PRDM6: variants seen among roughly 807,000 people sequenced by gnomAD.
The protein encoded by PRDM6 is PR/SET domain 6.
In PRDM6, 25 loss-of-function variants were observed where a neutral mutation model predicts 60.8. The ratio of observed to expected loss-of-function variants is 0.41; its 90% CI spans 0.30 to 0.57. The LOEUF (loss-of-function observed/expected upper bound fraction) is 0.57. Among genes scored for constraint, PRDM6 ranks in the 20% least tolerant of loss-of-function variants. PRDM6 has a pLI of 0.27. For synonymous variants in PRDM6, 407 were observed against 357.4 expected, an observed-to-expected ratio of 1.14 and a Z score of -1.57; for missense variants, 839 against 821.3, an observed-to-expected ratio of 1.02 and a Z score of -0.26.
At chr5:123,096,353 A>G (rs1341333026) in intron 2 of PRDM6, among the ~76,000 whole-genome samples, 2 of 152,058 alleles carry the variant, frequency 1.3e-5, no homozygotes, top group African/African-American at 2.4e-5. Flanking sequence ...TTCTCTTTCA[A>G]ACCTTTTCAT....
At position 123,190,033 on chromosome 5, in the gene PRDM6, G is replaced by A; in HGVS notation, c.*2832G>A. ...TAAAATTTGCCAGTTTTTCTTATTA[G>A]TAACTTCCTAATTAGTAGTGCTATA... is the stretch of plus-strand genomic sequence containing the variant. On this transcript the variant is annotated 3_prime_UTR_variant, in exon 8 of 8. Transcript: ENST00000407847. 6.6e-6 allele frequency: 1 copy of A among 152,182 alleles called. No homozygotes were observed. Among genetic ancestry groups the A allele is most frequent in the Admixed American group, 6.5e-5 (1 of 15,276 alleles). The allele number at this position is 152,182 out of a possible 1,614,324, so 9.4% of individuals were successfully genotyped here. A position where few individuals can be genotyped will look rare whatever the true frequency, so the allele number is the denominator to read the frequency against.
In PRDM6 at chr5:123,191,727, A is replaced by G. The variant is rs185031365; in HGVS notation, c.*4526A>G. ...TAAAGTTCTCCCCTCACTAGCATTT[A>G]TCTGAACTACCACAAAACAACAACG... is the stretch of plus-strand genomic sequence containing the variant. On this transcript the variant is annotated 3_prime_UTR_variant, in exon 8 of 8. Coordinates refer to ENST00000407847, the MANE Select transcript of PRDM6 (RefSeq NM_001136239.4). 2.9e-4 allele frequency: 44 copies of G among 152,286 alleles called. No homozygotes were observed. The highest frequency in any genetic ancestry group is 9.9e-4 in the African/African-American group (41 of 41,554). 9.4% of individuals were successfully genotyped at this position (152,286 alleles called of 1,614,324 possible). A position where few individuals can be genotyped will look rare whatever the true frequency, so the allele number is the denominator to read the frequency against.
intron 2 of PRDM6, among the ~76,000 whole-genome samples, chr5:123,094,646 G>A (rs912195175): frequency 4.6e-5 from 7 of 152,158 alleles, no homozygotes; most frequent in African/African-American, 1.7e-4. Context: ...TGTGCCACCA[G>A]GAGATGAAGG....
intron 3 of PRDM6, among the ~76,000 whole-genome samples, chr5:123,117,909 A>G (rs549772420): frequency 1.3e-5 from 2 of 152,370 alleles, no homozygotes; most frequent in Admixed American, 6.5e-5. Flanking sequence ...CATTCATTCA[A>G]TTATTCAACA....
intron 3 of PRDM6, among the ~76,000 whole-genome samples, chr5:123,132,148 T>C (rs1764847116): frequency 6.6e-6 from 1 of 152,176 alleles, no homozygotes; most frequent in Admixed American, 6.5e-5. Flanking sequence ...TCCTACTTTA[T>C]GTCATACTTA....
At chr5:123,183,566 C>T (rs777668559) in intron 7 of PRDM6, among the ~76,000 whole-genome samples, 30 of 151,970 alleles carry the variant, frequency 2.0e-4, no homozygotes, top group Non-Finnish European at 4.0e-4. Flanking sequence ...TACCCTAGGC[C>T]GTAGACTTAG....
intron 6 of PRDM6, 145 bp downstream of exon 6, chr5:123,171,253 C>T: frequency 1.5e-6 from 1 of 687,504 alleles, no homozygotes; most frequent in Non-Finnish European, 2.4e-6. Context: ...AATGCAAGAC[C>T]ACTGCTTGAC....
At chr5:123,122,183 A>T (rs997454459) in intron 3 of PRDM6, among the ~76,000 whole-genome samples, 1 of 151,290 alleles carries the variant, frequency 6.6e-6, no homozygotes, top group African/African-American at 2.4e-5. Flanking sequence ...AAAAAAAAAA[A>T]AAAGAATTCC....
At chr5:123,105,926 T>C (rs949857967) in intron 3 of PRDM6, among the ~76,000 whole-genome samples, 3 of 152,256 alleles carry the variant, frequency 2.0e-5, no homozygotes, top group Admixed American at 2.0e-4. Context: ...CCTTTCGTCA[T>C]GTCAATCCTT....
chr5:123,120,554 G>A (rs1216452856), intron 3 of PRDM6, among the ~76,000 whole-genome samples: 1 of 152,040 alleles, frequency 6.6e-6, no homozygotes, highest in Admixed American at 6.5e-5. Flanking sequence ...AAAAATTACA[G>A]GAAAAAATTT....
chr5:123,123,376 C>A (rs2150219087), intron 3 of PRDM6, among the ~76,000 whole-genome samples: 1 of 152,236 alleles, frequency 6.6e-6, no homozygotes, highest in East Asian at 1.9e-4. Flanking sequence ...CAGTTCAAAG[C>A]TTTTGGCTCT....
chr5:123,178,011 T>A (rs77920363), intron 6 of PRDM6, among the ~76,000 whole-genome samples: 2,967 of 152,064 alleles, frequency 0.02, 76 homozygotes, highest in African/African-American at 0.066. Context: ...CAGGCAAAGG[T>A]GATGTTTTAG....
intron 6 of PRDM6, among the ~76,000 whole-genome samples, chr5:123,179,063 G>A (rs1218183046): frequency 6.6e-6 from 1 of 152,098 alleles, no homozygotes; most frequent in Middle Eastern, 3.2e-3. Flanking sequence ...ATCCTGTCAA[G>A]GAATGATATG....
intron 6 of PRDM6, among the ~76,000 whole-genome samples, chr5:123,176,737 A>G (rs1766022264): frequency 6.6e-6 from 1 of 152,016 alleles, no homozygotes; most frequent in Admixed American, 6.6e-5. Context: ...ATTAAAGAAG[A>G]TTTCCATTTA....
At chr5:123,138,523 T>C (rs1765022528) in intron 3 of PRDM6, among the ~76,000 whole-genome samples, 1 of 152,240 alleles carries the variant, frequency 6.6e-6, no homozygotes, top group African/African-American at 2.4e-5. Flanking sequence ...TGAAACATTA[T>C]AATTTGAATT....
intron 3 of PRDM6, among the ~76,000 whole-genome samples, chr5:123,113,196 C>T (rs1306673308): frequency 6.6e-6 from 1 of 152,092 alleles, no homozygotes; most frequent in Non-Finnish European, 1.5e-5. Context: ...GAAGTAAAGT[C>T]CAGCGTTTAC....
At chr5:123,095,837 C>T (rs1007492906) in intron 2 of PRDM6, among the ~76,000 whole-genome samples, 8 of 152,226 alleles carry the variant, frequency 5.3e-5, no homozygotes, top group Non-Finnish European at 1.2e-4. Context: ...ACCAAAAGCC[C>T]GGAAGCGTTT....
intron 6 of PRDM6, among the ~76,000 whole-genome samples, chr5:123,172,386 G>A (rs868149602): frequency 1.3e-5 from 2 of 152,132 alleles, no homozygotes; most frequent in African/African-American, 4.8e-5. Flanking sequence ...GGTTGTTAAG[G>A]CAGCTATGTC....
chr5:123,144,971 A>G (rs1055142434), intron 3 of PRDM6, among the ~76,000 whole-genome samples: 1 of 152,090 alleles, frequency 6.6e-6, no homozygotes, highest in Non-Finnish European at 1.5e-5. Context: ...CATCCAAACA[A>G]CCAACCAACT....
Sources: allele counts gnomAD v4.1 joint callset (sites outside exome capture counted in the v4.1 genomes callset), GRCh38; gene constraint gnomAD v4.1.1; transcripts MANE v1.5; gene names NCBI Gene and HGNC (gene_info 2026-07-23, HGNC 2026-07-21).